GALC: variants seen among roughly 807,000 people sequenced by gnomAD.
The protein encoded by GALC is galactocerebrosidase.
In GALC, 77 loss-of-function variants were observed where a neutral mutation model predicts 91.8. The ratio of observed to expected loss-of-function variants is 0.84; its 90% CI spans 0.70 to 1.01. The LOEUF (loss-of-function observed/expected upper bound fraction) is 1.01, where lower values mean the gene tolerates loss of function less well. Among genes scored for constraint, GALC ranks in the 50% least tolerant of loss-of-function variants. The pLI, the probability that GALC is intolerant of heterozygous loss-of-function variation, is 0.00. For synonymous variants in GALC, 357 were observed against 306.7 expected (o/e 1.16, Z -1.71); for missense variants, 882 against 855.9 (o/e 1.03, Z -0.38).
rs1444734331 is a variant in GALC, at chr14:87,934,714, A to G, written c.*18T>C. 1.9e-6 allele frequency: 3 copies of G among 1,612,818 alleles called. No individual in the cohort carries two copies. The highest frequency in any genetic ancestry group is 4.5e-5 in the East Asian group (2 of 44,848). On this transcript the variant is annotated 3_prime_UTR_variant, in exon 17 of 17. Coordinates refer to ENST00000261304, the MANE Select transcript of GALC (RefSeq NM_000153.4). Reference sequence around the variant, plus strand: ...AAGGGAAGAAAATCCAGAGTATTCTATGATGCCCTGTTAAGTATTAGCGTG... The same window carrying G: ...AAGGGAAGAAAATCCAGAGTATTCTGTGATGCCCTGTTAAGTATTAGCGTG...
intron 10 of GALC, chr14:87,955,315 T>A: frequency 1.7e-6 from 1 of 604,510 alleles, no homozygotes; most frequent in Non-Finnish European, 3.0e-6. Context: ...AAATACATTT[T>A]ACAAAGAGAA....
chr14:87,946,035 C>T (rs528334655), intron 13 of GALC, among the ~76,000 whole-genome samples: 68 of 152,108 alleles, frequency 4.5e-4, no homozygotes, highest in African/African-American at 1.5e-3. Flanking sequence ...TTCAGTCTGT[C>T]GCCCTGGACA....
intron 2 of GALC, 37 bp downstream of exon 2, chr14:87,988,418 T>C: frequency 7.0e-7 from 1 of 1,436,784 alleles, no homozygotes; most frequent in Non-Finnish European, 9.8e-7. Context: ...ATTTCTAAAA[T>C]ATCACAGGTA....
At chr14:87,972,525 G>A (rs1228348842) in intron 7 of GALC, among the ~76,000 whole-genome samples, 1 of 152,034 alleles carries the variant, frequency 6.6e-6, no homozygotes, top group African/African-American at 2.4e-5. Context: ...ATTATCCGAT[G>A]ATTTTTGTAC....
chr14:87,933,676 A>C lies in GALC; in HGVS notation c.*1056T>G, dbSNP rs1054748501. On this transcript the variant is annotated 3_prime_UTR_variant, in exon 17 of 17. Transcript: ENST00000261304. The stretch of plus-strand genomic sequence containing the variant: ...ATAATTCTAGATTTACTTTACCTAC[A>C]TGAATAACTGATTTGCTACATAGAG... 8 of 302,220 alleles carry C rather than the reference A, an allele frequency of 2.6e-5. No homozygotes were observed. Among genetic ancestry groups the C allele is most frequent in the African/African-American group, 1.7e-4 (8 of 46,364 alleles). The allele number at this position is 302,220 out of a possible 1,614,324, so 18.7% of individuals were successfully genotyped here. A position where few individuals can be genotyped will look rare whatever the true frequency, so the allele number is the denominator to read the frequency against.
chr14:87,980,940 A>AT (rs544217232), intron 6 of GALC, among the ~76,000 whole-genome samples: 1 of 152,146 alleles, frequency 6.6e-6, no homozygotes, highest in African/African-American at 2.4e-5. Context: ...TTCAAAGAAA[A>AT]TTTTTTTCTA....
chr14:87,949,808 G>A (rs1170151996), intron 12 of GALC, 37 bp downstream of exon 12: 2 of 1,020,580 alleles, frequency 2.0e-6, no homozygotes, highest in Non-Finnish European at 3.1e-6. Context: ...TTTTACTGTT[G>A]GAATACCCAA....
At chr14:87,952,549 C>T in intron 10 of GALC, 3 of 872,388 alleles carry the variant, frequency 3.4e-6, no homozygotes, top group Admixed American at 2.0e-5. Flanking sequence ...CTAAAAATGA[C>T]AGTATCACAA....
At chr14:87,979,122 T>G (rs1886635897) in intron 6 of GALC, among the ~76,000 whole-genome samples, 1 of 152,140 alleles carries the variant, frequency 6.6e-6, no homozygotes, top group Non-Finnish European at 1.5e-5. Flanking sequence ...CCTCCCAGGT[T>G]CAAGCAATTT....
intron 13 of GALC, among the ~76,000 whole-genome samples, chr14:87,946,310 T>G (rs1212513227): frequency 6.6e-6 from 1 of 152,070 alleles, no homozygotes; most frequent in Non-Finnish European, 1.5e-5. Flanking sequence ...AAAAACCAGT[T>G]TTGGGCCTAA....
chr14:87,986,408 T>C (rs1212710746), intron 4 of GALC, 81 bp downstream of exon 4: 2 of 873,496 alleles, frequency 2.3e-6, no homozygotes, highest in East Asian at 2.6e-5. Flanking sequence ...TCCGTATTAA[T>C]AGAGATTCCA....
intron 16 of GALC, 27 bp downstream of exon 16, chr14:87,939,878 C>G: frequency 6.7e-7 from 1 of 1,485,132 alleles, no homozygotes; most frequent in Non-Finnish European, 9.4e-7. Context: ...AGCATTTTAC[C>G]TCCAGACTCC....
At chr14:87,936,896 C>CTATATACATATATATATA (rs1555378202) in intron 16 of GALC, among the ~76,000 whole-genome samples, 9 of 3,530 alleles carry the variant, frequency 2.5e-3, no homozygotes, top group Non-Finnish European at 0.023. Flanking sequence ...ATATCAGGTA[C>CTATATACATATATATATA]TATATATATA....
intron 5 of GALC, 127 bp downstream of exon 5, chr14:87,984,267 G>A (rs924639804): frequency 2.5e-5 from 22 of 876,572 alleles, no homozygotes; most frequent in Non-Finnish European, 3.7e-5. Context: ...GTTATTATCA[G>A]ACACCATTAG....
intron 16 of GALC, among the ~76,000 whole-genome samples, chr14:87,937,290 T>A (rs111273479): frequency 4.6e-5 from 7 of 151,746 alleles, no homozygotes; most frequent in African/African-American, 1.7e-4. Context: ...TATATTCTAG[T>A]AGGAGATGGA....
intron 10 of GALC, chr14:87,952,724 A>G (rs1258373672): frequency 1.1e-5 from 16 of 1,520,808 alleles, no homozygotes; most frequent in Admixed American, 6.8e-5. Context: ...TTTCTTACTT[A>G]GCAAACTGTA....
At chr14:87,936,995 A>G (rs1188482282) in intron 16 of GALC, among the ~76,000 whole-genome samples, 2 of 149,990 alleles carry the variant, frequency 1.3e-5, no homozygotes, top group African/African-American at 4.9e-5. Flanking sequence ...TGTGCAATAT[A>G]AAATACTTGC....
intron 13 of GALC, among the ~76,000 whole-genome samples, 169 bp from the exon 14 acceptor site, chr14:87,945,902 T>C (rs1313349468): frequency 6.6e-6 from 1 of 152,066 alleles, no homozygotes; most frequent in Non-Finnish European, 1.5e-5. Context: ...AATTTTTGTA[T>C]CATCATTACT....
chr14:87,974,565 C>G (rs930028149), intron 7 of GALC, among the ~76,000 whole-genome samples: 2 of 151,994 alleles, frequency 1.3e-5, no homozygotes, highest in East Asian at 3.9e-4. Flanking sequence ...CTGAACAGTT[C>G]AAGTGGACAA....
Sources: allele counts gnomAD v4.1 joint callset (sites outside exome capture counted in the v4.1 genomes callset), GRCh38; gene constraint gnomAD v4.1.1; transcripts MANE v1.5; gene names NCBI Gene and HGNC (gene_info 2026-07-23, HGNC 2026-07-21).